KIDINS220: variants seen among roughly 807,000 people sequenced by gnomAD.
KIDINS220 encodes the protein kinase D interacting substrate 220.
Under a neutral mutation model 157.6 loss-of-function variants are expected in KIDINS220, and 63 were observed. That is an observed-to-expected ratio of 0.40 (90% CI 0.33 to 0.49). The LOEUF (loss-of-function observed/expected upper bound fraction) is 0.49, where lower values mean the gene tolerates loss of function less well. Among genes scored for constraint, KIDINS220 ranks in the 20% least tolerant of loss-of-function variants. The probability of loss-of-function intolerance (pLI) is 0.66; values close to 1 mark genes in which losing one functional copy is unlikely to be tolerated. For missense variants in KIDINS220, 1,772 were observed against 2,171.2 expected, an observed-to-expected ratio of 0.82 and a Z score of 3.65; for synonymous variants, 732 against 783.6, an observed-to-expected ratio of 0.93 and a Z score of 1.10.
chr2:8,795,805 T>A (rs1020974266), intron 11 of KIDINS220, among the ~76,000 whole-genome samples: 14 of 152,318 alleles, frequency 9.2e-5, no homozygotes, highest in African/African-American at 3.4e-4. Context: ...TGGTTCTGTA[T>A]CGCAAATTGG....
chr2:8,722,354 A>G (rs929941339), downstream of KIDINS220: 2 of 152,260 alleles, frequency 1.3e-5, no homozygotes, highest in East Asian at 3.8e-4. Flanking sequence ...ATGCAGACAC[A>G]AAGTCTAGTT....
chr2:8,767,186 A>G (rs1669596057), intron 22 of KIDINS220, among the ~76,000 whole-genome samples: 1 of 152,200 alleles, frequency 6.6e-6, no homozygotes, highest in Admixed American at 6.5e-5. Flanking sequence ...TAAAAAGATA[A>G]AGATATGGAT....
At chr2:8,822,986 A>G (rs1240906195) in intron 2 of KIDINS220, among the ~76,000 whole-genome samples, 1 of 152,096 alleles carries the variant, frequency 6.6e-6, no homozygotes, top group Non-Finnish European at 1.5e-5. Context: ...TTTATTTTAT[A>G]TTTTTTAGAG....
intron 4 of KIDINS220, among the ~76,000 whole-genome samples, chr2:8,814,636 G>T (rs1205948743): frequency 6.6e-6 from 1 of 152,208 alleles, no homozygotes; most frequent in Non-Finnish European, 1.5e-5. Context: ...CTGCAAGTAA[G>T]ATTCACTGAT....
At chr2:8,787,205 C>T (rs1213483344) in intron 15 of KIDINS220, among the ~76,000 whole-genome samples, 1 of 151,778 alleles carries the variant, frequency 6.6e-6, no homozygotes, top group East Asian at 1.9e-4. Flanking sequence ...AACTTTTTCA[C>T]TTTTAAATCC....
chr2:8,721,108 T>C (rs1229738446), downstream of KIDINS220: 1 of 151,914 alleles, frequency 6.6e-6, no homozygotes, highest in African/African-American at 2.4e-5. Context: ...CCACAATCAT[T>C]TAAAAAAAAA....
chr2:8,767,273 T>G (rs984894687), intron 22 of KIDINS220, among the ~76,000 whole-genome samples: 1 of 152,164 alleles, frequency 6.6e-6, no homozygotes, highest in African/African-American at 2.4e-5. Flanking sequence ...TAAAAGATAG[T>G]AATTTAATAA....
Position 8,820,170 on chromosome 2 carries a change from C to T in KIDINS220, c.109-1377G>A, listed in dbSNP as rs140017884. ...CCCTCGACCCAGTCTGTGCCACCCC[C>T]GGCCTCAACGTGTCCTCCTGCTCAT... On this transcript the variant is annotated intron_variant, in intron 2 of 29. Coordinates refer to ENST00000256707, the MANE Select transcript of KIDINS220 (RefSeq NM_020738.4). 6.6e-3 allele frequency among the ~76,000 whole-genome samples: 1,002 copies of T among 152,298 alleles called. 4 individuals carry two copies. Among genetic ancestry groups the T allele is most frequent in the Non-Finnish European group, 0.012 (839 of 68,018 alleles).
chr2:8,801,752 A>G (rs937557519), intron 8 of KIDINS220, among the ~76,000 whole-genome samples: 4 of 152,146 alleles, frequency 2.6e-5, no homozygotes, highest in Non-Finnish European at 5.9e-5. Context: ...AAAACAAAAC[A>G]AGAATTAGCC....
rs753409347 is a variant in KIDINS220, at chr2:8,730,695, C to T, written c.*25G>A. On this transcript the variant is annotated 3_prime_UTR_variant, in exon 30 of 30. Coordinates refer to ENST00000256707, the MANE Select transcript of KIDINS220 (RefSeq NM_020738.4). ...CAATTCTGTCATAAAGGTACAGTAACACTCTTCTCCTTTGCTTGTTTTTCT... is the reference window on the plus strand; with the variant it reads ...CAATTCTGTCATAAAGGTACAGTAATACTCTTCTCCTTTGCTTGTTTTTCT... 19 of 1,602,160 alleles carry T rather than the reference C, an allele frequency of 1.2e-5. No homozygotes were observed. Among genetic ancestry groups the T allele is most frequent in the Middle Eastern group, 1.7e-4 (1 of 6,016 alleles).
At chr2:8,738,596 G>A (rs549760554) in intron 26 of KIDINS220, among the ~76,000 whole-genome samples, 3 of 152,252 alleles carry the variant, frequency 2.0e-5, no homozygotes, top group South Asian at 2.1e-4. Context: ...TTGTAATCAC[G>A]AGGAAACATC....
At position 8,730,817 on chromosome 2, in the gene KIDINS220, G is replaced by A. The variant is rs764819132; in HGVS notation, c.5219C>T (p.Ser1740Leu). The A allele has an allele frequency of 6.2e-7, 1 of 1,614,106 alleles. No individual in the cohort carries two copies. The highest frequency in any genetic ancestry group is 2.2e-5 in the East Asian group (1 of 44,896). Reference protein sequence around the residue: ...KSMTHKRSQRSSYTRLSKDPP... With the variant: ...KSMTHKRSQRLSYTRLSKDPP... ...ATCTTTGGAGAGCCTTGTGTAACTT[G>A]AACGTTGGCTTCGCTTATGTGTCAT... Residue 1740 changes from serine to leucine, a missense_variant, in exon 30 of 30, where the codon TCA becomes TTA. By Grantham distance (145) the Ser-to-Leu change is moderately radical (BLOSUM62 -2). This residue lies in a region of KIDINS220 where 793 missense variants were observed against 885.5 expected (regional missense o/e 0.90). Coordinates refer to ENST00000256707, the MANE Select transcript of KIDINS220 (RefSeq NM_020738.4).
At chr2:8,725,528 T>C (rs1663225551), downstream of KIDINS220, 1 of 152,000 alleles carries the variant, frequency 6.6e-6, no homozygotes, top group Non-Finnish European at 1.5e-5. Flanking sequence ...GATTACTGAG[T>C]AGTAGGTAGG....
intron 27 of KIDINS220, 122 bp from the exon 28 acceptor site, chr2:8,734,875 G>T (rs935859279): frequency 1.1e-5 from 7 of 615,798 alleles, no homozygotes; most frequent in African/African-American, 1.1e-4. Flanking sequence ...CAGAAAGGCT[G>T]ACCAAAAAAA....
rs180990799 is a variant in KIDINS220, at chr2:8,817,289, C to T, written c.306+329G>A. On this transcript the variant is annotated intron_variant, in intron 4 of 29. Transcript: ENST00000256707. ...ACCTGATAATAGTTTTAAAACCATA[C>T]GCTGTCCCTCCTAAAGTCCTACCTA... Among the ~76,000 whole-genome samples, 192 of 152,188 alleles carry T rather than the reference C, an allele frequency of 1.3e-3. 1 individual carries two copies. The highest frequency in any genetic ancestry group is 4.2e-3 in the African/African-American group (176 of 41,524).
intron 22 of KIDINS220, among the ~76,000 whole-genome samples, chr2:8,766,169 A>G (rs1224585218): frequency 6.6e-6 from 1 of 150,722 alleles, no homozygotes; most frequent in Non-Finnish European, 1.5e-5. Context: ...CATGAACCCC[A>G]CTGGTGACCC....
chr2:8,815,522 A>T (rs945775538), intron 4 of KIDINS220, among the ~76,000 whole-genome samples: 2 of 152,294 alleles, frequency 1.3e-5, no homozygotes, highest in South Asian at 2.1e-4. Context: ...ACAAAAAGTT[A>T]GCCAGGTGCG....
At chr2:8,832,319 T>C (rs1679757875) in intron 1 of KIDINS220, among the ~76,000 whole-genome samples, 1 of 152,230 alleles carries the variant, frequency 6.6e-6, no homozygotes, top group Admixed American at 6.5e-5. Context: ...CACTGAATAA[T>C]TGATTATTAA....
chr2:8,817,203 A>G (rs1677198376), intron 4 of KIDINS220, among the ~76,000 whole-genome samples: 1 of 152,226 alleles, frequency 6.6e-6, no homozygotes, highest in Non-Finnish European at 1.5e-5. Context: ...GCATGTCTGA[A>G]AATAATCACA....
Sources: allele counts gnomAD v4.1 joint callset (sites outside exome capture counted in the v4.1 genomes callset), GRCh38; gene constraint gnomAD v4.1.1; regional missense constraint gnomAD v4.1.1; transcripts MANE v1.5; gene names NCBI Gene and HGNC (gene_info 2026-07-23, HGNC 2026-07-21).